Variants in WASF3 observed in about 807,000 individuals in gnomAD.
WASF3 encodes the protein actin-binding protein WASF3.
WASF3 carries 11 observed loss-of-function variants against 46.6 expected under a neutral mutation model. The ratio of observed to expected loss-of-function variants is 0.24; its 90% confidence interval spans 0.15 to 0.39. The LOEUF is 0.39. Ranked by LOEUF, WASF3 falls within the 10% of genes least tolerant of loss-of-function variation. The pLI is 1.00. For missense variants in WASF3, 576 were observed against 669.8 expected, an observed-to-expected ratio of 0.86 and a Z score of 1.55; for synonymous variants, 242 against 259.7, an observed-to-expected ratio of 0.93 and a Z score of 0.65.
rs772872837 is a variant in WASF3, at chr13:26,676,523, GCTCTCTTTC to G, written c.541-23_541-15del. The G allele has an allele frequency of 6.8e-6, 11 of 1,609,084 alleles. No homozygotes were observed. The East Asian group carries it at 2.2e-4, about 33-fold the overall frequency. Reference sequence around the variant, plus strand: ...TTTCCTTTCCCTTCTGTCTTGGCATGCTCTCTTTCCTTTCCTGGACATCAGGAGCAAAAG... The same window carrying G: ...TTTCCTTTCCCTTCTGTCTTGGCATGCTTTCCTGGACATCAGGAGCAAAAG... On this transcript the variant is annotated splice_polypyrimidine_tract_variant and intron_variant, in intron 6 of 9. Transcript: ENST00000335327.
At chr13:26,608,280 C>A (rs191286054) in intron 1 of WASF3, among the ~76,000 whole-genome samples, 1 of 152,036 alleles carries the variant, frequency 6.6e-6, no homozygotes, top group African/African-American at 2.4e-5. Context: ...TATTATCTTA[C>A]GATTCTTGTA....
Position 26,642,400 on chromosome 13 carries a change from C to T in WASF3, c.130C>T (p.Leu44=), listed in dbSNP as rs763051387. ...LAAIIRQLSS[L]SKHAEDIFGE... is the part of the protein sequence containing the mutation. ...CGCTATCATACGCCAGCTGAGCAGT[C>T]TGAGTAAGCCATCTTTTTTCTGATT... Residue 44 remains leucine (L), a synonymous_variant, in exon 3 of 10, where the codon CTG becomes TTG. Coordinates refer to ENST00000335327, the MANE Select transcript of WASF3 (RefSeq NM_006646.6). 1 of 1,575,584 alleles carries T rather than the reference C, an allele frequency of 6.3e-7. No individual in the cohort carries two copies. The highest frequency in any genetic ancestry group is 1.4e-5 in the African/African-American group (1 of 72,420).
chr13:26,629,544 C>G (rs1054488628), intron 2 of WASF3, among the ~76,000 whole-genome samples: 1 of 152,166 alleles, frequency 6.6e-6, no homozygotes, highest in Non-Finnish European at 1.5e-5. Context: ...TGACTAACAC[C>G]ATGTGCTGAG....
chr13:26,685,374 C>CTATA (rs1488424645), intron 9 of WASF3, among the ~76,000 whole-genome samples: 1 of 152,190 alleles, frequency 6.6e-6, no homozygotes, highest in East Asian at 1.9e-4. Context: ...GCTTTTAAGG[C>CTATA]TATATGTGCC....
intron 1 of WASF3, among the ~76,000 whole-genome samples, chr13:26,611,634 C>G (rs1207397668): frequency 1.3e-5 from 2 of 151,952 alleles, no homozygotes; most frequent in African/African-American, 4.8e-5. Flanking sequence ...GTAATCTAAA[C>G]CCAGGGATAA....
At chr13:26,681,699 C>A (rs1159529938) in intron 8 of WASF3, among the ~76,000 whole-genome samples, 1 of 152,148 alleles carries the variant, frequency 6.6e-6, no homozygotes, top group African/African-American at 2.4e-5. Flanking sequence ...GACGAGAAGA[C>A]CACACCATGC....
chr13:26,666,866 CAAAAAAA>C (rs1168774717), intron 4 of WASF3, among the ~76,000 whole-genome samples: 1,094 of 62,822 alleles, frequency 0.017, 25 homozygotes, highest in African/African-American at 0.051. Flanking sequence ...AAGACTGTCT[CAAAAAAA>C]AAAAAAAAAA....
chr13:26,552,388 A>G, the WASF3 span, among the ~76,000 whole-genome samples: 4 of 152,220 alleles, frequency 2.6e-5, no homozygotes, highest in South Asian at 2.1e-4. Flanking sequence ...TGCTCTGATG[A>G]GATAATTGGG....
chr13:26,635,132 C>T (rs997602968), intron 2 of WASF3, among the ~76,000 whole-genome samples: 7 of 152,164 alleles, frequency 4.6e-5, no homozygotes, highest in Admixed American at 6.5e-5. Context: ...ACCAGTCAAA[C>T]GTAGATTTGG....
At chr13:26,674,711 A>G (rs1883012450) in intron 6 of WASF3, among the ~76,000 whole-genome samples, 1 of 152,236 alleles carries the variant, frequency 6.6e-6, no homozygotes, top group Non-Finnish European at 1.5e-5. Context: ...TTGCTCTTAC[A>G]ATACTGCAGT....
chr13:26,615,288 T>G (rs577896695), intron 2 of WASF3, among the ~76,000 whole-genome samples: 2 of 152,190 alleles, frequency 1.3e-5, no homozygotes, highest in South Asian at 4.2e-4. Flanking sequence ...TGCCACAGAT[T>G]TGTTTTTTTT....
Position 26,681,010 on chromosome 13 carries a change from T to C in WASF3, c.717-44T>C, listed in dbSNP as rs751808438. 4 of 1,566,958 alleles carry C rather than the reference T, an allele frequency of 2.6e-6. No individual in the cohort carries two copies. In the African/African-American group the frequency reaches 5.4e-5, roughly 21 times the overall value. On this transcript the variant is annotated intron_variant, in intron 7 of 9. Transcript: ENST00000335327. ...CATGTGCCTGTTAGCCGACAATTTT[T>C]AAATTAATTTAAATTTCTCCCACCT...
At chr13:26,588,332 G>A (rs963239769) in intron 1 of WASF3, among the ~76,000 whole-genome samples, 8 of 152,200 alleles carry the variant, frequency 5.3e-5, no homozygotes, top group African/African-American at 1.9e-4. Flanking sequence ...ATAACTTAAT[G>A]TGATGTGAGG....
chr13:26,600,494 A>C (rs1406218884), intron 1 of WASF3, among the ~76,000 whole-genome samples: 1 of 152,184 alleles, frequency 6.6e-6, no homozygotes, highest in African/African-American at 2.4e-5. Context: ...AGTGAAGTAC[A>C]TTGCTTCTCA....
At chr13:26,615,333 G>A (rs767680304) in intron 2 of WASF3, among the ~76,000 whole-genome samples, 1 of 151,110 alleles carries the variant, frequency 6.6e-6, no homozygotes, top group Admixed American at 6.6e-5. Flanking sequence ...TTTTTGAGAC[G>A]GAGTCTCGCT....
intron 1 of WASF3, among the ~76,000 whole-genome samples, chr13:26,579,767 A>G (rs1479130213): frequency 2.0e-5 from 3 of 152,080 alleles, no homozygotes; most frequent in Non-Finnish European, 4.4e-5. Context: ...TGGTGTGAGC[A>G]CTGATTATGC....
intron 1 of WASF3, among the ~76,000 whole-genome samples, chr13:26,567,698 TA>T (rs60469078): frequency 0.41 from 60,089 of 145,380 alleles, 12,233 homozygotes; most frequent in East Asian, 0.59. Context: ...TAAACGACAT[TA>T]AAAAAAAAAT....
At chr13:26,646,284 G>A (rs554056372) in intron 3 of WASF3, among the ~76,000 whole-genome samples, 1 of 152,286 alleles carries the variant, frequency 6.6e-6, no homozygotes, top group South Asian at 2.1e-4. Flanking sequence ...ATAAGAGAAT[G>A]TAAAGGAATG....
At chr13:26,650,577 C>CTGAT (rs1258243265) in intron 3 of WASF3, among the ~76,000 whole-genome samples, 1 of 151,982 alleles carries the variant, frequency 6.6e-6, no homozygotes, top group African/African-American at 2.4e-5. Flanking sequence ...CATGCAGGGA[C>CTGAT]TGATAGGTAA....
Sources: gnomAD v4.1 joint callset for allele counts (sites outside exome capture counted in the v4.1 genomes callset) on GRCh38, gnomAD v4.1.1 for gene constraint, MANE v1.5 for transcripts, NCBI Gene and HGNC (gene_info 2026-07-23, HGNC 2026-07-21) for gene names.